Variants in NKAIN3 observed in about 807,000 individuals in gnomAD.
NKAIN3 encodes sodium/potassium transporting ATPase interacting 3.
NKAIN3 carries 25 observed loss-of-function variants against 30.2 expected under a neutral mutation model. The observed-to-expected ratio is 0.83, with a 90% confidence interval of 0.60 to 1.16. The LOEUF is 1.16. Ranked by LOEUF, NKAIN3 falls within the 50% of genes most tolerant of loss-of-function variation. The pLI is 0.00. For missense variants in NKAIN3, 225 were observed against 254.1 expected, an observed-to-expected ratio of 0.89 and a Z score of 0.78; for synonymous variants, 91 against 89.6, an observed-to-expected ratio of 1.02 and a Z score of -0.09.
At chr8:62,950,544 T>C (rs1585613786) in intron 5 of NKAIN3, among the ~76,000 whole-genome samples, 1 of 152,204 alleles carries the variant, frequency 6.6e-6, no homozygotes, top group Non-Finnish European at 1.5e-5. Flanking sequence ...CTATATGTGA[T>C]ATATTATTTC....
intron 1 of NKAIN3, among the ~76,000 whole-genome samples, chr8:62,283,275 T>A (rs1813262074): frequency 1.1e-5 from 1 of 91,986 alleles, no homozygotes; most frequent in Non-Finnish European, 2.3e-5. Context: ...TGCTCTTACG[T>A]GGCTATTTTT....
intron 5 of NKAIN3, among the ~76,000 whole-genome samples, chr8:62,943,560 CATT>C (rs1051317387): frequency 3.8e-4 from 56 of 147,052 alleles, no homozygotes; most frequent in African/African-American, 1.5e-3. Context: ...GAGGAAAAGT[CATT>C]ATACGAAAAA....
intron 4 of NKAIN3, among the ~76,000 whole-genome samples, chr8:62,767,236 T>C (rs2130629134): frequency 6.6e-6 from 1 of 152,314 alleles, no homozygotes; most frequent in South Asian, 2.1e-4. Context: ...AGCATATTTC[T>C]TGCTTTGGAT....
At chr8:62,652,242 T>A (rs1314122935) in intron 3 of NKAIN3, among the ~76,000 whole-genome samples, 5 of 152,162 alleles carry the variant, frequency 3.3e-5, no homozygotes, top group African/African-American at 1.2e-4. Context: ...AGAGAACTAT[T>A]ACTTGGCAAT....
chr8:62,354,448 CTTTCTTT>C (rs1445263618), intron 1 of NKAIN3, among the ~76,000 whole-genome samples: 1 of 152,024 alleles, frequency 6.6e-6, no homozygotes, highest in Non-Finnish European at 1.5e-5. Flanking sequence ...TTTTTTCTTT[CTTTCTTT>C]TTTCTTTTTT....
chr8:62,565,240 T>G (rs1254602267), intron 1 of NKAIN3, among the ~76,000 whole-genome samples: 3 of 152,074 alleles, frequency 2.0e-5, no homozygotes, highest in Non-Finnish European at 4.4e-5. Flanking sequence ...ATCGGACACT[T>G]CATTTCCAAG....
intron 1 of NKAIN3, among the ~76,000 whole-genome samples, chr8:62,354,476 C>T (rs962010177): frequency 2.0e-5 from 3 of 152,092 alleles, no homozygotes; most frequent in African/African-American, 7.2e-5. Context: ...GAGACGGAGT[C>T]TCTGTCATGC....
chr8:62,720,492 T>A (rs888704343), intron 3 of NKAIN3, among the ~76,000 whole-genome samples: 4 of 152,222 alleles, frequency 2.6e-5, no homozygotes, highest in Non-Finnish European at 5.9e-5. Flanking sequence ...ATTTGAATTC[T>A]GTTTTTTGTT....
intron 4 of NKAIN3, among the ~76,000 whole-genome samples, chr8:62,758,443 C>A (rs1420028796): frequency 1.3e-5 from 2 of 152,110 alleles, no homozygotes; most frequent in East Asian, 3.9e-4. Context: ...TACAAAAATT[C>A]ATTGCATTAT....
intron 1 of NKAIN3, among the ~76,000 whole-genome samples, chr8:62,510,390 G>A (rs967653421): frequency 3.3e-5 from 5 of 152,100 alleles, no homozygotes; most frequent in Non-Finnish European, 7.4e-5. Context: ...TTGTCATCAA[G>A]GGCTAGCCTT....
chr8:62,436,105 A>G (rs1805166373), intron 1 of NKAIN3, among the ~76,000 whole-genome samples: 1 of 152,220 alleles, frequency 6.6e-6, no homozygotes, highest in African/African-American at 2.4e-5. Flanking sequence ...GTATGTGAAC[A>G]TTTTTAAAAC....
chr8:62,311,517 A>G (rs1814428991), intron 1 of NKAIN3, among the ~76,000 whole-genome samples: 1 of 150,544 alleles, frequency 6.6e-6, no homozygotes, highest in Admixed American at 6.6e-5. Flanking sequence ...TCGAAACTCC[A>G]CCATCATTTC....
intron 4 of NKAIN3, among the ~76,000 whole-genome samples, chr8:62,823,927 A>G (rs1009889715): frequency 6.6e-6 from 1 of 152,192 alleles, no homozygotes; most frequent in African/African-American, 2.4e-5. Context: ...AAAGTTTCAT[A>G]CAAGAAATTT....
chr8:62,384,699 A>G (rs1383519452), intron 1 of NKAIN3, among the ~76,000 whole-genome samples: 4 of 152,184 alleles, frequency 2.6e-5, no homozygotes, highest in Non-Finnish European at 5.9e-5. Flanking sequence ...TCTTGATTCT[A>G]AGAATTTGGT....
intron 1 of NKAIN3, among the ~76,000 whole-genome samples, chr8:62,308,045 T>G (rs11992607): frequency 6.6e-6 from 1 of 150,430 alleles, no homozygotes; most frequent in African/African-American, 2.5e-5. Flanking sequence ...CATAGCATTA[T>G]GTCAAGAGCT....
chr8:62,374,743 A>G (rs573647894), intron 1 of NKAIN3, among the ~76,000 whole-genome samples: 1 of 152,364 alleles, frequency 6.6e-6, no homozygotes, highest in African/African-American at 2.4e-5. Context: ...AAATCAATAG[A>G]AATTCAAACA....
At chr8:62,376,557 C>T (rs112953839) in intron 1 of NKAIN3, among the ~76,000 whole-genome samples, 1 of 152,178 alleles carries the variant, frequency 6.6e-6, no homozygotes, top group Admixed American at 6.5e-5. Context: ...TTGCACCTGT[C>T]TGGGACCACT....
chr8:62,331,077 C>G (rs1350374360), intron 1 of NKAIN3, among the ~76,000 whole-genome samples: 5 of 145,282 alleles, frequency 3.4e-5, no homozygotes, highest in Admixed American at 1.4e-4. Context: ...CTCTCTCTCT[C>G]TGTCTCTCTC....
At chr8:62,894,181 G>A (rs1021319921) in intron 4 of NKAIN3, among the ~76,000 whole-genome samples, 1 of 152,110 alleles carries the variant, frequency 6.6e-6, no homozygotes, top group Non-Finnish European at 1.5e-5. Context: ...TAGTGATCCT[G>A]ATGTAAATTT....
Sources: allele counts gnomAD v4.1 joint callset (sites outside exome capture counted in the v4.1 genomes callset), GRCh38; gene constraint gnomAD v4.1.1; transcripts MANE v1.5; gene names NCBI Gene and HGNC (gene_info 2026-07-23, HGNC 2026-07-21).